Variants in MTIF2 observed in about 807,000 individuals in gnomAD.
The protein encoded by MTIF2 is translation initiation factor IF-2, mitochondrial.
In MTIF2, 71 loss-of-function variants were observed where a neutral mutation model predicts 83.5. The ratio of observed to expected loss-of-function variants is 0.85; its 90% CI spans 0.70 to 1.04. The LOEUF is 1.04. MTIF2 is among the 50% of genes least tolerant of loss of function. The pLI is 0.00. For missense variants in MTIF2, 957 were observed against 846.5 expected, an observed-to-expected ratio of 1.13 and a Z score of -1.62; for synonymous variants, 319 against 287.1, an observed-to-expected ratio of 1.11 and a Z score of -1.12.
At chr2:55,264,099 G>T (rs2104471153) in intron 3 of MTIF2, among the ~76,000 whole-genome samples, 1 of 152,234 alleles carries the variant, frequency 6.6e-6, no homozygotes, top group South Asian at 2.1e-4. Flanking sequence ...CACTATGATA[G>T]AATTGAAATA....
intron 11 of MTIF2, 40 bp from the exon 12 acceptor site, chr2:55,243,708 T>A (rs758139642): frequency 5.6e-5 from 89 of 1,591,604 alleles, no homozygotes; most frequent in East Asian, 1.3e-4. Context: ...GAAATAGACA[T>A]CAATAACTGC....
Position 55,244,156 on chromosome 2 carries a change from T to A in MTIF2, c.1184A>T (p.Lys395Ile). The change falls in exon 11 of 16, where the codon AAA becomes ATA. Residue 395 changes from lysine (K) to isoleucine (I), a missense_variant. Transcript: ENST00000263629. ...ATTTTCATCAAACATTAAGCGTACT[T>A]TTGCCCAACATTTTCCAGCAACCAG... ...SVLVAGKCWA[K>I]VRLMFDENGK... 1 of 1,614,146 alleles carries A rather than the reference T, an allele frequency of 6.2e-7. No homozygotes were observed. Among genetic ancestry groups the A allele is most frequent in the Non-Finnish European group, 8.5e-7 (1 of 1,180,018 alleles).
intron 14 of MTIF2, among the ~76,000 whole-genome samples, chr2:55,237,765 C>T (rs895717758): frequency 6.7e-6 from 1 of 149,876 alleles, no homozygotes; most frequent in East Asian, 2.0e-4. Flanking sequence ...ATTCTCATGC[C>T]TCAGCCTCCC....
chr2:55,244,514 T>C (rs771465747), intron 10 of MTIF2, among the ~76,000 whole-genome samples: 2 of 152,192 alleles, frequency 1.3e-5, no homozygotes, highest in African/African-American at 4.8e-5. Flanking sequence ...TTATTTGCGA[T>C]AGCCAAGAAG....
At chr2:55,248,740 T>A (rs974860040) in intron 9 of MTIF2, among the ~76,000 whole-genome samples, 1 of 152,258 alleles carries the variant, frequency 6.6e-6, no homozygotes, top group Non-Finnish European at 1.5e-5. Context: ...ATTCATGAAC[T>A]TTTTGTTTAA....
chr2:55,238,873 G>A (rs908868395), intron 14 of MTIF2, among the ~76,000 whole-genome samples: 2 of 152,108 alleles, frequency 1.3e-5, no homozygotes, highest in African/African-American at 4.8e-5. Flanking sequence ...CTTAGCACAA[G>A]AACATAAAAA....
chr2:55,239,882 G>C, intron 14 of MTIF2, 129 bp downstream of exon 14: 1 of 741,540 alleles, frequency 1.3e-6, no homozygotes, highest in East Asian at 2.8e-5. Context: ...TCTCATGGTA[G>C]TCATTTTTTT....
At chr2:55,240,533 C>T (rs924573387) in intron 13 of MTIF2, among the ~76,000 whole-genome samples, 6 of 152,058 alleles carry the variant, frequency 3.9e-5, no homozygotes, top group Non-Finnish European at 5.9e-5. Context: ...GAGCTGAGAT[C>T]GCGCCACTGC....
chr2:55,259,673 A>G (rs527345632), intron 5 of MTIF2, among the ~76,000 whole-genome samples: 85 of 152,358 alleles, frequency 5.6e-4, no homozygotes, highest in African/African-American at 2.0e-3. Flanking sequence ...TGCCAGGCGC[A>G]GTGGCTCACG....
chr2:55,254,298 C>G, intron 6 of MTIF2, 97 bp from the exon 7 acceptor site: 2 of 1,310,608 alleles, frequency 1.5e-6, no homozygotes, highest in Non-Finnish European at 2.1e-6. Flanking sequence ...CTACCATTAA[C>G]AATAAAACCC....
At chr2:55,250,105 A>G (rs1479514714) in intron 8 of MTIF2, among the ~76,000 whole-genome samples, 1 of 152,042 alleles carries the variant, frequency 6.6e-6, no homozygotes, top group African/African-American at 2.4e-5. Context: ...AAAAAACACA[A>G]CAAACAATAC....
At chr2:55,256,652 G>A (rs1194526232) in intron 5 of MTIF2, among the ~76,000 whole-genome samples, 1 of 150,110 alleles carries the variant, frequency 6.7e-6, no homozygotes, top group Non-Finnish European at 1.5e-5. Context: ...AGTAAGCCGA[G>A]ATCACGCCAC....
At chr2:55,256,517 C>T (rs922673097) in intron 5 of MTIF2, among the ~76,000 whole-genome samples, 1 of 151,678 alleles carries the variant, frequency 6.6e-6, no homozygotes, top group Non-Finnish European at 1.5e-5. Context: ...ACCAGCCTGG[C>T]CAATATGGTG....
intron 4 of MTIF2, 114 bp from the exon 5 acceptor site, chr2:55,262,541 C>A: frequency 7.7e-5 from 22 of 284,116 alleles, no homozygotes; most frequent in Non-Finnish European, 9.9e-5. Context: ...CTTTTTTTTT[C>A]TTTTTTTTTT....
intron 7 of MTIF2, among the ~76,000 whole-genome samples, chr2:55,253,546 A>G (rs1056570152): frequency 4.6e-5 from 7 of 151,912 alleles, no homozygotes; most frequent in African/African-American, 1.7e-4. Context: ...GCCAGGCACG[A>G]TGGCTCACAC....
chr2:55,249,270 C>G (rs1676920266), intron 9 of MTIF2, 125 bp downstream of exon 9: 1 of 1,260,882 alleles, frequency 7.9e-7, no homozygotes, highest in East Asian at 2.4e-5. Flanking sequence ...TTGCCTGGCA[C>G]CAAGAAAACT....
Position 55,249,396 on chromosome 2 carries a change from G to GT in MTIF2, c.979dup (p.Thr327AsnfsTer4), listed in dbSNP as rs1391654183. On this transcript the variant is annotated frameshift_variant and splice_region_variant, in exon 9 of 16. Coordinates refer to ENST00000263629, the MANE Select transcript of MTIF2 (RefSeq NM_002453.3). LOFTEE classifies it high-confidence loss of function. ...TTTATATGAGGTCCCCGCATTTACC[G>GT]TAAGTGCGGAGACAGGCACTGCTTG... 1.9e-6 allele frequency: 3 copies of GT among 1,613,754 alleles called. No homozygotes were observed. Among genetic ancestry groups the GT allele is most frequent in the African/African-American group, 1.3e-5 (1 of 74,890 alleles).
At chr2:55,241,687 A>G (rs890660822) in intron 13 of MTIF2, among the ~76,000 whole-genome samples, 3 of 152,140 alleles carry the variant, frequency 2.0e-5, no homozygotes, top group South Asian at 2.1e-4. Flanking sequence ...TGCTAAAAAT[A>G]TAAGAATTAG....
chr2:55,249,473 T>G lies in MTIF2; in HGVS notation c.903A>C (p.Lys301Asn). The G allele has an allele frequency of 1.2e-6, 2 of 1,614,166 alleles. No homozygotes were observed. The highest frequency in any genetic ancestry group is 1.7e-6 in the Non-Finnish European group (2 of 1,180,026). The change falls in exon 9 of 16, where the codon AAA becomes AAC. Residue 301 changes from lysine (K) to asparagine (N), a missense_variant. Transcript: ENST00000263629. ...CCACATCGTAAGCCAGCAGCTCTTT[T>G]TTCACTTTCTCAGGATCAGCCTCAG... Reference protein sequence around the residue: ...DKAEADPEKVKKELLAYDVVC... With the variant: ...DKAEADPEKVNKELLAYDVVC...
Sources: allele counts gnomAD v4.1 joint callset (sites outside exome capture counted in the v4.1 genomes callset), GRCh38; gene constraint gnomAD v4.1.1; transcripts MANE v1.5; gene names NCBI Gene and HGNC (gene_info 2026-07-23, HGNC 2026-07-21).